Variants in EPM2A observed in about 807,000 individuals in gnomAD.
EPM2A encodes EPM2A glucan phosphatase, laforin.
EPM2A carries 21 observed loss-of-function variants against 26.5 expected under a neutral mutation model. The ratio of observed to expected loss-of-function variants is 0.79; its 90% confidence interval spans 0.56 to 1.14. The LOEUF (loss-of-function observed/expected upper bound fraction) is 1.14. EPM2A is among the 50% of genes most tolerant of loss of function. The probability of loss-of-function intolerance (pLI) is 0.00; values close to 1 mark genes in which losing one functional copy is unlikely to be tolerated. For missense variants in EPM2A, 458 were observed against 440.8 expected (o/e 1.04, Z -0.35); for synonymous variants, 217 against 177.6 (o/e 1.22, Z -1.76).
intron 3 of EPM2A, chr6:145,502,462 A>G (rs1229335987): frequency 6.4e-6 from 3 of 466,096 alleles, no homozygotes; most frequent in Non-Finnish European, 1.3e-5. Context: ...ACTTTCCTGA[A>G]GAAGAGATGA....
At chr6:145,409,162 T>C (rs1778609283) in intron 4 of EPM2A, among the ~76,000 whole-genome samples, 1 of 152,150 alleles carries the variant, frequency 6.6e-6, no homozygotes, top group Non-Finnish European at 1.5e-5. Context: ...AAGAACTTGA[T>C]AGGAAAATAA....
intron 4 of EPM2A, among the ~76,000 whole-genome samples, chr6:145,466,935 C>T (rs916756507): frequency 3.3e-5 from 5 of 151,990 alleles, no homozygotes; most frequent in Admixed American, 2.6e-4. Context: ...TAGGTGGGAA[C>T]TGAACAATGA....
At chr6:145,533,402 CAT>C (rs1780389071) in intron 2 of EPM2A, among the ~76,000 whole-genome samples, 1 of 152,160 alleles carries the variant, frequency 6.6e-6, no homozygotes, top group South Asian at 2.1e-4. Flanking sequence ...AAGTAAGTCT[CAT>C]AAAATGCAGA....
chr6:145,453,868 T>C (rs114395793), intron 4 of EPM2A, among the ~76,000 whole-genome samples: 1,642 of 152,360 alleles, frequency 0.011, 37 homozygotes, highest in African/African-American at 0.038. Flanking sequence ...TTGTGTTCTC[T>C]TAACTTAAAA....
chr6:145,437,220 C>T (rs1779000444), intron 4 of EPM2A, among the ~76,000 whole-genome samples: 1 of 151,922 alleles, frequency 6.6e-6, no homozygotes, highest in African/African-American at 2.4e-5. Flanking sequence ...ACTTCCCCCA[C>T]CGCCCCCCTC....
chr6:145,425,277 G>A (rs892611793), intron 4 of EPM2A, among the ~76,000 whole-genome samples: 8 of 151,952 alleles, frequency 5.3e-5, no homozygotes, highest in Non-Finnish European at 8.8e-5. Context: ...AGGTTCAAGC[G>A]ATTCTCCCAC....
chr6:145,444,505 G>C (rs1779106555), intron 4 of EPM2A, among the ~76,000 whole-genome samples: 1 of 152,128 alleles, frequency 6.6e-6, no homozygotes, highest in Non-Finnish European at 1.5e-5. Flanking sequence ...GTTGATGTTT[G>C]CATCAGTGTT....
At chr6:145,405,755 T>G (rs1462275282) in intron 4 of EPM2A, among the ~76,000 whole-genome samples, 1 of 152,112 alleles carries the variant, frequency 6.6e-6, no homozygotes, top group Admixed American at 6.6e-5. Flanking sequence ...TAAAGAAACT[T>G]CAGGTAAGAA....
chr6:145,516,847 A>T (rs1282227474), intron 2 of EPM2A, among the ~76,000 whole-genome samples: 2 of 152,194 alleles, frequency 1.3e-5, no homozygotes, highest in African/African-American at 4.8e-5. Context: ...GCTTCTGTAT[A>T]TTTATCCAAA....
intron 4 of EPM2A, among the ~76,000 whole-genome samples, chr6:145,444,318 G>A (rs964655157): frequency 6.6e-6 from 1 of 152,154 alleles, no homozygotes; most frequent in African/African-American, 2.4e-5. Flanking sequence ...AAGGAACGTT[G>A]AATTTTATTG....
At chr6:145,433,995 T>C (rs1778954050) in intron 4 of EPM2A, among the ~76,000 whole-genome samples, 1 of 152,158 alleles carries the variant, frequency 6.6e-6, no homozygotes, top group African/African-American at 2.4e-5. Flanking sequence ...ATTGCATCTC[T>C]TCTAGCAAAA....
chr6:145,477,627 T>C (rs1379375931), intron 4 of EPM2A, among the ~76,000 whole-genome samples: 1 of 151,914 alleles, frequency 6.6e-6, no homozygotes, highest in Non-Finnish European at 1.5e-5. Flanking sequence ...TAGTTTAACA[T>C]ATGCAAATCA....
At chr6:145,506,359 A>G (rs1357211469) in intron 2 of EPM2A, among the ~76,000 whole-genome samples, 1 of 152,124 alleles carries the variant, frequency 6.6e-6, no homozygotes, top group African/African-American at 2.4e-5. Context: ...CACTCCTGGC[A>G]TTTTTGCTCA....
chr6:145,397,653 C>T (rs1341068555), intron 4 of EPM2A, among the ~76,000 whole-genome samples: 1 of 152,160 alleles, frequency 6.6e-6, no homozygotes, highest in Non-Finnish European at 1.5e-5. Flanking sequence ...CAACTCCAAC[C>T]TGGTGGTTAC....
intron 2 of EPM2A, among the ~76,000 whole-genome samples, chr6:145,514,492 T>C (rs181870064): frequency 2.0e-5 from 3 of 152,284 alleles, no homozygotes; most frequent in Admixed American, 2.0e-4. Flanking sequence ...TATATGTACA[T>C]TTACTAAAAA....
chr6:145,718,486 T>A lies in EPM2A; in HGVS notation c.301+16712A>T, dbSNP rs1441690546. 2.0e-5 allele frequency among the ~76,000 whole-genome samples: 3 copies of A among 152,014 alleles called. No individual in the cohort carries two copies. The South Asian group carries it at 6.2e-4, about 32-fold the overall frequency. On this transcript the variant is annotated intron_variant, in intron 1 of 3. Coordinates refer to ENST00000367519, the MANE Select transcript of EPM2A (RefSeq NM_005670.4). ...AATCAATTCAAGACAGATTAAAGAC[T>A]TAAACATTAGACCTAAAACCATAAA...
chr6:145,581,128 A>G (rs1302779138), intron 2 of EPM2A, among the ~76,000 whole-genome samples: 1 of 152,216 alleles, frequency 6.6e-6, no homozygotes, highest in African/African-American at 2.4e-5. Context: ...CTTGCAGTGT[A>G]TAGGTGTTGC....
chr6:145,665,653 A>C (rs1179715294), intron 2 of EPM2A, among the ~76,000 whole-genome samples: 1 of 146,948 alleles, frequency 6.8e-6, no homozygotes, highest in African/African-American at 2.6e-5. Context: ...AATCCTCCCT[A>C]ACTCATTTTA....
intron 2 of EPM2A, among the ~76,000 whole-genome samples, chr6:145,559,761 T>C (rs772572290): frequency 6.6e-6 from 1 of 151,304 alleles, no homozygotes; most frequent in Non-Finnish European, 1.5e-5. Flanking sequence ...CTTTGTAAGA[T>C]GCTAATTCCT....
Sources: gnomAD v4.1 joint callset for allele counts (sites outside exome capture counted in the v4.1 genomes callset) on GRCh38, gnomAD v4.1.1 for gene constraint, MANE v1.5 for transcripts, NCBI Gene and HGNC (gene_info 2026-07-23, HGNC 2026-07-21) for gene names.